ALPK3: variants seen among roughly 807,000 people sequenced by gnomAD.
ALPK3 encodes the protein alpha-protein kinase 3.
ALPK3 carries 102 observed loss-of-function variants against 140.0 expected under a neutral mutation model. The observed-to-expected ratio is 0.73, with a 90% CI of 0.62 to 0.86. ALPK3 has a LOEUF of 0.86. Among genes scored for constraint, ALPK3 ranks in the 40% least tolerant of loss-of-function variants. The probability of loss-of-function intolerance (pLI) is 0.00; values close to 1 mark genes in which losing one functional copy is unlikely to be tolerated. For missense variants in ALPK3, 2,254 were observed against 2,208.2 expected, an observed-to-expected ratio of 1.02 and a Z score of -0.42; for synonymous variants, 938 against 898.5, an observed-to-expected ratio of 1.04 and a Z score of -0.79.
chr15:84,830,422 G>A (rs1354501271), intron 3 of ALPK3, among the ~76,000 whole-genome samples: 1 of 152,182 alleles, frequency 6.6e-6, no homozygotes, highest in Non-Finnish European at 1.5e-5. Flanking sequence ...ATCAGGTCCT[G>A]AAGATGGTGC....
Position 84,868,239 on chromosome 15 carries a change from A to C in ALPK3, c.4901A>C (p.Gln1634Pro). The C allele has an allele frequency of 1.9e-6, 3 of 1,614,120 alleles. No individual in the cohort carries two copies. The highest frequency in any genetic ancestry group is 2.5e-6 in the Non-Finnish European group (3 of 1,179,976). The change falls in exon 14 of 14, where the codon CAA becomes CCA. Residue 1634 changes from glutamine (Q) to proline (P), a missense_variant. By Grantham distance (76) the Gln-to-Pro change is moderately conservative (BLOSUM62 -1). This residue lies in a region of ALPK3 where 158 missense variants were observed against 159.8 expected (regional missense o/e 0.99). Coordinates refer to ENST00000258888, the MANE Select transcript of ALPK3 (RefSeq NM_020778.5). ...PLKGPEAAHP[Q>P]AKAKGSKSPS... ...AAGGGCCCGGAGGCGGCCCACCCCC[A>C]AGCCAAAGCCAAAGGCTCTAAGAGT...
chr15:84,854,788 A>G (rs1278216224), intron 5 of ALPK3, among the ~76,000 whole-genome samples: 1 of 152,172 alleles, frequency 6.6e-6, no homozygotes, highest in Non-Finnish European at 1.5e-5. Flanking sequence ...CTGTATCGTC[A>G]GGGCATAGAA....
At position 84,868,110 on chromosome 15, in the gene ALPK3, G is replaced by A. The variant is rs770896454; in HGVS notation, c.4773-1G>A. The stretch of plus-strand genomic sequence containing the variant: ...ACTCAGCTCTTCCTGTCTGGCTGCA[G>A]ATACCAGGGCCTCAAGGAAAGCTGC... On this transcript the variant is annotated splice_acceptor_variant, in intron 13 of 13. Coordinates refer to ENST00000258888, the MANE Select transcript of ALPK3 (RefSeq NM_020778.5). LOFTEE classifies it high-confidence loss of function. 1 of 1,605,974 alleles carries A rather than the reference G, an allele frequency of 6.2e-7. No homozygotes were observed. Among genetic ancestry groups the A allele is most frequent in the Non-Finnish European group, 8.5e-7 (1 of 1,174,104 alleles).
chr15:84,817,574 T>TCAGC lies in ALPK3; in HGVS notation c.123_126dup (p.Val43GlnfsTer39). 6.7e-7 allele frequency: 1 copy of TCAGC among 1,502,840 alleles called. No individual in the cohort carries two copies. Among genetic ancestry groups the TCAGC allele is most frequent in the Non-Finnish European group, 8.8e-7 (1 of 1,131,496 alleles). 93.1% of individuals were successfully genotyped at this position (1,502,840 alleles called of 1,614,324 possible). On this transcript the variant is annotated frameshift_variant, in exon 1 of 14. Coordinates refer to ENST00000258888, the MANE Select transcript of ALPK3 (RefSeq NM_020778.5). LOFTEE classifies it high-confidence loss of function. ...AGCCCAGCCAGCCGGAGCTACCTGC[T>TCAGC]CAGCGTGCGGCCCGAGACCAGGTAA...
intron 3 of ALPK3, among the ~76,000 whole-genome samples, chr15:84,836,524 G>A (rs1327482229): frequency 6.6e-6 from 1 of 152,240 alleles, no homozygotes; most frequent in Non-Finnish European, 1.5e-5. Context: ...ATTGCCTGAT[G>A]GAGTAGAGGT....
chr15:84,844,455 G>A (rs1963705903), intron 5 of ALPK3, among the ~76,000 whole-genome samples: 2 of 152,066 alleles, frequency 1.3e-5, no homozygotes. Context: ...TCCAACTTTT[G>A]GAATTATTAG....
At position 84,852,988 on chromosome 15, in the gene ALPK3, A is replaced by T. The variant is rs187581335; in HGVS notation, c.1654-3404A>T. 1.8e-4 allele frequency among the ~76,000 whole-genome samples: 28 copies of T among 152,324 alleles called. 1 individual carries two copies. The highest frequency in any genetic ancestry group is 1.8e-3 in the Admixed American group (27 of 15,302). ...TCCGATTAGGCAGTTGGCAGTGGAGATGAAGGAAATGGATATTGAGATAAT... is the reference window on the plus strand; with the variant it reads ...TCCGATTAGGCAGTTGGCAGTGGAGTTGAAGGAAATGGATATTGAGATAAT... On this transcript the variant is annotated intron_variant, in intron 5 of 13. Coordinates refer to ENST00000258888, the MANE Select transcript of ALPK3 (RefSeq NM_020778.5).
chr15:84,855,499 A>G (rs779864071), intron 5 of ALPK3, among the ~76,000 whole-genome samples: 4 of 152,112 alleles, frequency 2.6e-5, no homozygotes, highest in Non-Finnish European at 4.4e-5. Flanking sequence ...GGTTTTGATG[A>G]TATCTTGGAG....
chr15:84,850,858 A>G (rs776755717), intron 5 of ALPK3, among the ~76,000 whole-genome samples: 1 of 146,840 alleles, frequency 6.8e-6, no homozygotes, highest in Non-Finnish European at 1.5e-5. Flanking sequence ...TCCTTCTCAT[A>G]TCTTTACACA....
At position 84,873,108 on chromosome 15, in the gene ALPK3, G is replaced by C. The variant is rs1336978390; in HGVS notation, c.*4652G>C. The C allele has an allele frequency of 6.6e-6, 1 of 152,118 alleles. No homozygotes were observed. The highest frequency in any genetic ancestry group is 1.5e-5 in the Non-Finnish European group (1 of 68,040). 9.4% of individuals were successfully genotyped at this position (152,118 alleles called of 1,614,324 possible). On this transcript the variant is annotated 3_prime_UTR_variant, in exon 14 of 14. Transcript: ENST00000258888. ...CTGTTGCTGAGATCAGGGAGCCCACGTTCACAGCAGCTCTTTCAAGCAGCC... is the reference window on the plus strand; with the variant it reads ...CTGTTGCTGAGATCAGGGAGCCCACCTTCACAGCAGCTCTTTCAAGCAGCC...
intron 5 of ALPK3, among the ~76,000 whole-genome samples, chr15:84,849,704 GAATGAAAGTGAAAA>G (rs1267900289): frequency 2.0e-5 from 3 of 152,096 alleles, no homozygotes; most frequent in African/African-American, 7.2e-5. Flanking sequence ...ATTTTAAATT[GAATGAAAGTGAAAA>G]TACAACATAC....
chr15:84,840,432 A>G lies in ALPK3; in HGVS notation c.1153A>G (p.Ser385Gly). 2 of 1,613,834 alleles carry G rather than the reference A, an allele frequency of 1.2e-6. No individual in the cohort carries two copies. Among genetic ancestry groups the G allele is most frequent in the Non-Finnish European group, 1.7e-6 (2 of 1,179,896 alleles). ...GGGGCCTGGGTCCTCTGGCACAGATAGTACCAGGAAGCCAGCCTCTGCTGT... is the reference window on the plus strand; with the variant it reads ...GGGGCCTGGGTCCTCTGGCACAGATGGTACCAGGAAGCCAGCCTCTGCTGT... ...ARGPGSSGTD[S>G]TRKPASAVGT... Residue 385 changes from serine (S) to glycine (G), a missense_variant, in exon 5 of 14, where the codon AGT becomes GGT. This residue lies in a region of ALPK3 where 2,088 missense variants were observed against 2,022.9 expected (regional missense o/e 1.03). Coordinates refer to ENST00000258888, the MANE Select transcript of ALPK3 (RefSeq NM_020778.5).
In ALPK3 at chr15:84,868,312, G is replaced by A. The variant is rs1441226520; in HGVS notation, c.4974G>A (p.Lys1658=). 25 of 1,614,002 alleles carry A rather than the reference G, an allele frequency of 1.5e-5. No homozygotes were observed. Among genetic ancestry groups the A allele is most frequent in the Middle Eastern group, 1.6e-4 (1 of 6,084 alleles). Residue 1658 remains lysine (K), a synonymous_variant, in exon 14 of 14, where the codon AAG becomes AAA. Coordinates refer to ENST00000258888, the MANE Select transcript of ALPK3 (RefSeq NM_020778.5). Reference sequence around the variant, plus strand: ...CCCAGCTGAGTCCTCAGCCCCAGAAGAAAGGCCTCCCTAGTCCTCAGGGCA... The same window carrying A: ...CCCAGCTGAGTCCTCAGCCCCAGAAAAAAGGCCTCCCTAGTCCTCAGGGCA... ...KGSQLSPQPQ[K]KGLPSPQGTR...
intron 1 of ALPK3, 123 bp from the exon 2 acceptor site, chr15:84,823,207 C>A: frequency 1.9e-6 from 2 of 1,071,282 alleles, no homozygotes; most frequent in South Asian, 1.4e-5. Flanking sequence ...GACAGCTGGT[C>A]CCTTTTAATA....
Position 84,868,019 on chromosome 15 carries a change from G to A in ALPK3, c.4773-92G>A, listed in dbSNP as rs570338756. On this transcript the variant is annotated intron_variant, in intron 13 of 13. Transcript: ENST00000258888. ...ATAAGGTAGGATGTACCCTGAGCAC[G>A]ACATCCTGATGATGGCCACCCCAGA... 5.7e-5 allele frequency: 74 copies of A among 1,297,688 alleles called. No individual in the cohort carries two copies. The South Asian group carries it at 9.5e-4, about 17-fold the overall frequency. 80.4% of individuals were successfully genotyped at this position (1,297,688 alleles called of 1,614,324 possible). A position where few individuals can be genotyped will look rare whatever the true frequency, so the allele number is the denominator to read the frequency against.
chr15:84,832,622 C>T (rs1963555702), intron 3 of ALPK3, among the ~76,000 whole-genome samples: 1 of 152,178 alleles, frequency 6.6e-6, no homozygotes, highest in Non-Finnish European at 1.5e-5. Context: ...ATCTCTCTCT[C>T]TCCAACAAGA....
intron 1 of ALPK3, among the ~76,000 whole-genome samples, chr15:84,822,507 G>T (rs1183780885): frequency 2.0e-5 from 3 of 152,200 alleles, no homozygotes. Context: ...GCCGAAGGGA[G>T]TGTGGATGGG....
intron 5 of ALPK3, among the ~76,000 whole-genome samples, chr15:84,850,879 T>TATATACGCACACAC (rs144798232): frequency 7.0e-6 from 1 of 142,366 alleles, no homozygotes; most frequent in Non-Finnish European, 1.5e-5. Flanking sequence ...GTTCCAGATA[T>TATATACGCACACAC]ACACACACAC....
chr15:84,848,152 G>C (rs1963758336), intron 5 of ALPK3, among the ~76,000 whole-genome samples: 1 of 151,366 alleles, frequency 6.6e-6, no homozygotes, highest in Non-Finnish European at 1.5e-5. Flanking sequence ...GAAACATCAA[G>C]AATGAAAGAA....
Sources: allele counts gnomAD v4.1 joint callset (sites outside exome capture counted in the v4.1 genomes callset), GRCh38; gene constraint gnomAD v4.1.1; regional missense constraint gnomAD v4.1.1; transcripts MANE v1.5; gene names NCBI Gene and HGNC (gene_info 2026-07-23, HGNC 2026-07-21).